Variants in C5orf22 observed in about 807,000 individuals in gnomAD.
C5orf22 encodes the protein UPF0489 protein C5orf22.
In C5orf22, 36 loss-of-function variants were observed where a neutral mutation model predicts 48.7. The ratio of observed to expected loss-of-function variants is 0.74; its 90% CI spans 0.57 to 0.98. The LOEUF is 0.98. C5orf22 is among the 50% of genes least tolerant of loss of function. The pLI is 0.00. For synonymous variants in C5orf22, 141 were observed against 180.8 expected, an observed-to-expected ratio of 0.78 and a Z score of 1.76; for missense variants, 486 against 521.9, an observed-to-expected ratio of 0.93 and a Z score of 0.67.
intron 2 of C5orf22, 105 bp downstream of exon 2, chr5:31,534,522 GT>G (rs975353975): frequency 9.7e-7 from 1 of 1,029,440 alleles, no homozygotes; most frequent in Admixed American, 2.8e-5. Flanking sequence ...GGGTTTGGGG[GT>G]TTTTTGTTTG....
In C5orf22 at chr5:31,536,019, A is replaced by G. The variant is rs532529313; in HGVS notation, c.377+126A>G. The G allele has an allele frequency of 1.2e-5, 10 of 860,678 alleles. No individual in the cohort carries two copies. In the East Asian group the frequency reaches 2.9e-4, roughly 25 times the overall value. The allele number at this position is 860,678 out of a possible 1,614,324, so 53.3% of individuals were successfully genotyped here. On this transcript the variant is annotated intron_variant, in intron 3 of 8. Transcript: ENST00000325366. ...AGATTAAGCCTCGACTTCTCCAAAG[A>G]GTTCTCAAAACACGAAGAACAAACT...
In C5orf22 at chr5:31,535,800, A is replaced by T. The variant is rs200288266; in HGVS notation, c.284A>T (p.His95Leu). 1.2e-6 allele frequency: 2 copies of T among 1,613,010 alleles called. No homozygotes were observed. Among genetic ancestry groups the T allele is most frequent in the Non-Finnish European group, 1.7e-6 (2 of 1,179,476 alleles). Residue 95 changes from histidine (H) to leucine (L), a missense_variant, in exon 3 of 9, where the codon CAT becomes CTT. This residue lies in a region of C5orf22 where 408 missense variants were observed against 444.0 expected (regional missense o/e 0.92). Coordinates refer to ENST00000325366, the MANE Select transcript of C5orf22 (RefSeq NM_018356.3). ...GCAGTTTATGCTGGCCATTTTTCAC[A>T]TGTAATATGGTTTCATCCCACATGG... ...MPAVYAGHFS[H>L]VIWFHPTWAQ...
At chr5:31,542,904 G>A (rs912605915) in intron 6 of C5orf22, among the ~76,000 whole-genome samples, 8 of 152,232 alleles carry the variant, frequency 5.3e-5, no homozygotes, top group Middle Eastern at 3.4e-3. Flanking sequence ...AAGATAAAAC[G>A]GGAAATTAGA....
chr5:31,536,427 G>T (rs1043761811), intron 3 of C5orf22, among the ~76,000 whole-genome samples: 6 of 152,196 alleles, frequency 3.9e-5, no homozygotes, highest in Admixed American at 2.6e-4. Context: ...GGAGGCTGAG[G>T]CAGGAGAATG....
Position 31,535,784 on chromosome 5 carries a change from G to GC in C5orf22, c.269dup (p.Gly91TrpfsTer47). 6.2e-7 allele frequency: 1 copy of GC among 1,612,522 alleles called. No homozygotes were observed. The highest frequency in any genetic ancestry group is 8.5e-7 in the Non-Finnish European group (1 of 1,179,316). ...AAATTGGATTATGCCTGCAGTTTAT[G>GC]CTGGCCATTTTTCACATGTAATATG... On this transcript the variant is annotated frameshift_variant, in exon 3 of 9. Coordinates refer to ENST00000325366, the MANE Select transcript of C5orf22 (RefSeq NM_018356.3). LOFTEE classifies it high-confidence loss of function.
chr5:31,546,877 T>C (rs6882582), intron 7 of C5orf22, among the ~76,000 whole-genome samples: 70,110 of 151,900 alleles, frequency 0.46, 16,631 homozygotes, highest in South Asian at 0.54. Context: ...TATCATTCCA[T>C]CCTTAGCCCC....
chr5:31,541,258 T>G (rs767519156), intron 5 of C5orf22, 23 bp from the exon 6 acceptor site: 1 of 1,604,484 alleles, frequency 6.2e-7, no homozygotes, highest in South Asian at 1.1e-5. Flanking sequence ...CTATATAATC[T>G]CAGCTTTTCA....
chr5:31,547,337 C>T (rs1742958330), intron 7 of C5orf22, among the ~76,000 whole-genome samples: 1 of 152,240 alleles, frequency 6.6e-6, no homozygotes, highest in African/African-American at 2.4e-5. Context: ...GCAGCTTTTC[C>T]AGGCACACAG....
At chr5:31,536,303 G>A (rs972447165) in intron 3 of C5orf22, among the ~76,000 whole-genome samples, 7 of 152,168 alleles carry the variant, frequency 4.6e-5, no homozygotes, top group African/African-American at 1.4e-4. Context: ...GGCAGAAGAC[G>A]AGGTCAAGAG....
intron 3 of C5orf22, among the ~76,000 whole-genome samples, chr5:31,537,871 A>G (rs1742195032): frequency 6.6e-6 from 1 of 152,124 alleles, no homozygotes. Context: ...AGTTCCTTCT[A>G]CCTTTTTGCA....
At chr5:31,537,883 C>T (rs1742196261) in intron 3 of C5orf22, among the ~76,000 whole-genome samples, 1 of 152,202 alleles carries the variant, frequency 6.6e-6, no homozygotes, top group Non-Finnish European at 1.5e-5. Flanking sequence ...CTTTTTGCAC[C>T]ACCGTCTCTA....
At chr5:31,543,255 G>A (rs1742580841) in intron 6 of C5orf22, among the ~76,000 whole-genome samples, 2 of 152,220 alleles carry the variant, frequency 1.3e-5, no homozygotes, top group Non-Finnish European at 2.9e-5. Flanking sequence ...ACATCAGTAA[G>A]TATTGATTAG....
At position 31,532,437 on chromosome 5, in the gene C5orf22, C is replaced by G. The variant is rs770460239; in HGVS notation, c.45C>G (p.Pro15=). The G allele has an allele frequency of 6.2e-7, 1 of 1,613,950 alleles. No homozygotes were observed. The highest frequency in any genetic ancestry group is 2.2e-5 in the East Asian group (1 of 44,852). The change falls in exon 1 of 9, where the codon CCC becomes CCG. Residue 15 remains proline (P), a synonymous_variant. Transcript: ENST00000325366. ...GGCGCGCTGGTCTCCGGCGTTACCC[C>G]AAGCTCCCAGTGTGGGTGGTGGAGG... ...AGGRAGLRRY[P]KLPVWVVEDH... is the part of the protein sequence containing the mutation.
rs1447594411 is a variant in C5orf22, at chr5:31,538,289, G to T, written c.407G>T (p.Ser136Ile). 2 of 1,606,342 alleles carry T rather than the reference G, an allele frequency of 1.2e-6. No homozygotes were observed. The highest frequency in any genetic ancestry group is 1.3e-5 in the African/African-American group (1 of 74,430). ...ACAAGTACAGATCATTATTTCCTAAGTGATGGTCTGTATGTACCTGAAGAC... is the reference window on the plus strand; with the variant it reads ...ACAAGTACAGATCATTATTTCCTAATTGATGGTCTGTATGTACCTGAAGAC... ...RVTSTDHYFLSDGLYVPEDQL... is the reference protein window; with the variant it reads ...RVTSTDHYFLIDGLYVPEDQL... Residue 136 changes from serine (S) to isoleucine (I), a missense_variant, in exon 4 of 9, where the codon AGT becomes ATT. Transcript: ENST00000325366.
At chr5:31,535,993 C>A in intron 3 of C5orf22, 100 bp downstream of exon 3, 1 of 1,176,432 alleles carries the variant, frequency 8.5e-7, no homozygotes, top group East Asian at 2.6e-5. Flanking sequence ...CAAATAGGGT[C>A]AGATTAAGCC....
chr5:31,545,318 A>G (rs1363250453), intron 6 of C5orf22, among the ~76,000 whole-genome samples: 1 of 152,164 alleles, frequency 6.6e-6, no homozygotes, highest in East Asian at 1.9e-4. Flanking sequence ...TCGGCCTCCC[A>G]AAGTGCTGGG....
rs1267293877 is a variant in C5orf22, at chr5:31,554,574, A to C, written c.*1672A>C. The C allele has an allele frequency of 6.6e-6, 1 of 152,186 alleles. No homozygotes were observed. Among genetic ancestry groups the C allele is most frequent in the Non-Finnish European group, 1.5e-5 (1 of 68,032 alleles). 9.4% of individuals were successfully genotyped at this position (152,186 alleles called of 1,614,324 possible). A position where few individuals can be genotyped will look rare whatever the true frequency, so the allele number is the denominator to read the frequency against. Reference sequence around the variant, plus strand: ...GAATTGTAGAATTGTGCTATTTTTAATTTTTAAAATTTTTGGTTAGAGCTT... The same window carrying C: ...GAATTGTAGAATTGTGCTATTTTTACTTTTTAAAATTTTTGGTTAGAGCTT... On this transcript the variant is annotated 3_prime_UTR_variant, in exon 9 of 9. Coordinates refer to ENST00000325366, the MANE Select transcript of C5orf22 (RefSeq NM_018356.3).
chr5:31,548,421 T>A (rs913417687), intron 7 of C5orf22: 1 of 309,338 alleles, frequency 3.2e-6, no homozygotes, highest in African/African-American at 2.2e-5. Flanking sequence ...GTTCCACACA[T>A]CTCTAGGGCA....
chr5:31,548,518 A>C, intron 7 of C5orf22: 1 of 446,586 alleles, frequency 2.2e-6, no homozygotes, highest in Non-Finnish European at 4.5e-6. Flanking sequence ...TCTCCATCTG[A>C]GACCACCTCA....
Sources: gnomAD v4.1 joint callset for allele counts (sites outside exome capture counted in the v4.1 genomes callset) on GRCh38, gnomAD v4.1.1 for gene constraint, gnomAD v4.1.1 regional missense constraint, MANE v1.5 for transcripts, NCBI Gene and HGNC (gene_info 2026-07-23, HGNC 2026-07-21) for gene names.